SCAMP5: variants seen among roughly 807,000 people sequenced by gnomAD.
The protein encoded by SCAMP5 is secretory carrier-associated membrane protein 5.
A neutral mutation model predicts 28.3 loss-of-function variants in SCAMP5; 7 were observed. The ratio of observed to expected loss-of-function variants is 0.25; its 90% CI spans 0.14 to 0.46. SCAMP5 has a LOEUF of 0.46. Among genes scored for constraint, SCAMP5 ranks in the 20% least tolerant of loss-of-function variants. The pLI, the probability that SCAMP5 is intolerant of heterozygous loss-of-function variation, is 0.99. For missense variants in SCAMP5, 192 were observed against 312.5 expected (o/e 0.61, Z 2.91); for synonymous variants, 117 against 116.4 (o/e 1.00, Z -0.03).
Position 75,019,048 on chromosome 15 carries a change from C to A in SCAMP5, c.*65C>A. On this transcript the variant is annotated 3_prime_UTR_variant, in exon 7 of 7. Transcript: ENST00000425597. ...GGACAGGGGGCTCAAGCCACATCGT[C>A]ATTTGTGGTTACCAAGCAGGGTTCC... is the stretch of plus-strand genomic sequence containing the variant. 8.4e-7 allele frequency: 1 copy of A among 1,192,828 alleles called. No homozygotes were observed. The highest frequency in any genetic ancestry group is 1.7e-5 in the South Asian group (1 of 58,134). The allele number at this position is 1,192,828 out of a possible 1,614,324, so 73.9% of individuals were successfully genotyped here.
intron 3 of SCAMP5, among the ~76,000 whole-genome samples, chr15:75,013,883 G>A (rs569601124): frequency 2.6e-5 from 4 of 151,938 alleles, no homozygotes; most frequent in Non-Finnish European, 5.9e-5. Flanking sequence ...TAGCATCAAT[G>A]TTCTAAGGTT....
At chr15:75,013,505 C>G (rs1466449050) in intron 3 of SCAMP5, among the ~76,000 whole-genome samples, 2 of 152,046 alleles carry the variant, frequency 1.3e-5, no homozygotes, top group Admixed American at 1.3e-4. Flanking sequence ...TTAAGACCAG[C>G]CTAGGCAACA....
At position 75,016,853 on chromosome 15, in the gene SCAMP5, C is replaced by T. The variant is rs2065864345; in HGVS notation, c.293+104C>T. 5 of 1,066,482 alleles carry T rather than the reference C, an allele frequency of 4.7e-6. No individual in the cohort carries two copies. The South Asian group carries it at 6.6e-5, about 14-fold the overall frequency. The allele number at this position is 1,066,482 out of a possible 1,614,324, so 66.1% of individuals were successfully genotyped here. On this transcript the variant is annotated intron_variant, in intron 4 of 6. Coordinates refer to ENST00000425597, the MANE Select transcript of SCAMP5 (RefSeq NM_138967.4). The stretch of plus-strand genomic sequence containing the variant: ...TCTTTTTTTTTTTTTTTACCCTCCC[C>T]CAAACTCACTTTCCCTTGCTCACCT...
chr15:75,020,191 C>G lies in SCAMP5; in HGVS notation c.*1208C>G, dbSNP rs1253111671. On this transcript the variant is annotated 3_prime_UTR_variant, in exon 7 of 7. Coordinates refer to ENST00000425597, the MANE Select transcript of SCAMP5 (RefSeq NM_138967.4). ...AGGCATTTAGGTATCTCTCGGTGACCGTTGGATTCCTGGAAGCAGTAGCTG... is the reference window on the plus strand; with the variant it reads ...AGGCATTTAGGTATCTCTCGGTGACGGTTGGATTCCTGGAAGCAGTAGCTG... 6.6e-6 allele frequency: 1 copy of G among 152,430 alleles called. No individual in the cohort carries two copies. Among genetic ancestry groups the G allele is most frequent in the Non-Finnish European group, 1.5e-5 (1 of 68,284 alleles). 9.4% of individuals were successfully genotyped at this position (152,430 alleles called of 1,614,324 possible). A position where few individuals can be genotyped will look rare whatever the true frequency, so the allele number is the denominator to read the frequency against.
At chr15:75,000,816 C>T (rs565993716) in intron 1 of SCAMP5, among the ~76,000 whole-genome samples, 6 of 151,634 alleles carry the variant, frequency 4.0e-5, no homozygotes, top group Admixed American at 3.3e-4. Flanking sequence ...CCTTTCAACT[C>T]CATTTTGCCT....
rs1009455725 is a variant in SCAMP5 at position 75,019,187 on chromosome 15, G to C, written c.*204G>C. The C allele has an allele frequency of 1.0e-5, 4 of 387,024 alleles. No homozygotes were observed. In the Admixed American group the frequency reaches 1.8e-4, roughly 17 times the overall value. 24.0% of individuals were successfully genotyped at this position (387,024 alleles called of 1,614,324 possible). A position where few individuals can be genotyped will look rare whatever the true frequency, so the allele number is the denominator to read the frequency against. ...TTTCAGATTCTGCTCTTGGCACTCAGCTGTGGGCTGCACGTGGAGCTGTCC... is the reference window on the plus strand; with the variant it reads ...TTTCAGATTCTGCTCTTGGCACTCACCTGTGGGCTGCACGTGGAGCTGTCC... On this transcript the variant is annotated 3_prime_UTR_variant, in exon 7 of 7. Coordinates refer to ENST00000425597, the MANE Select transcript of SCAMP5 (RefSeq NM_138967.4).
Position 75,018,644 on chromosome 15 carries a change from C to G in SCAMP5, c.513+109C>G. The G allele has an allele frequency of 9.5e-7, 1 of 1,047,192 alleles. No individual in the cohort carries two copies. The highest frequency in any genetic ancestry group is 1.3e-5 in the South Asian group (1 of 79,516). The allele number at this position is 1,047,192 out of a possible 1,614,324, so 64.9% of individuals were successfully genotyped here. ...ATCCCGAGGTCTTCCAAGGGACTCA[C>G]TCTGGAATGGCCTGCAGGACTCTCC... On this transcript the variant is annotated intron_variant, in intron 6 of 6. Transcript: ENST00000425597. This position sits in a 1 kb window ranked among gnomAD's most constrained non-coding sequence, Gnocchi z 5.6.
chr15:75,003,535 A>G (rs2065728737), intron 1 of SCAMP5, among the ~76,000 whole-genome samples: 1 of 152,224 alleles, frequency 6.6e-6, no homozygotes, highest in Non-Finnish European at 1.5e-5. Context: ...TGGGCTGGGC[A>G]CAGTGACCTC....
At chr15:75,012,375 T>A (rs551434671) in intron 2 of SCAMP5, among the ~76,000 whole-genome samples, 1 of 152,360 alleles carries the variant, frequency 6.6e-6, no homozygotes, top group East Asian at 1.9e-4. Flanking sequence ...TGCCTGGAGC[T>A]GCCCCCACTG....
chr15:75,013,153 A>T (rs950400012), intron 3 of SCAMP5: 4 of 222,652 alleles, frequency 1.8e-5, no homozygotes. Context: ...TTTCCAGGGA[A>T]CCTCTGGGGA....
At chr15:75,004,167 G>A (rs990725448) in intron 1 of SCAMP5, among the ~76,000 whole-genome samples, 1 of 152,130 alleles carries the variant, frequency 6.6e-6, no homozygotes, top group Non-Finnish European at 1.5e-5. Context: ...GTCTCCCAAA[G>A]TGCTGGTATT....
chr15:75,018,719 T>A lies in SCAMP5; in HGVS notation c.514-70T>A, dbSNP rs2065880313. ...GCACTGTTTTTTTTTTACAGATGGG[T>A]CCCATCTATTTCCTGGATGGGCTGC... On this transcript the variant is annotated intron_variant, in intron 6 of 6. Transcript: ENST00000425597. This position sits in a 1 kb window ranked among gnomAD's most constrained non-coding sequence, Gnocchi z 5.6. 4.2e-6 allele frequency: 5 copies of A among 1,182,802 alleles called. No individual in the cohort carries two copies. Among genetic ancestry groups the A allele is most frequent in the Non-Finnish European group, 6.3e-6 (5 of 799,346 alleles). The allele number at this position is 1,182,802 out of a possible 1,614,324, so 73.3% of individuals were successfully genotyped here. A position where few individuals can be genotyped will look rare whatever the true frequency, so the allele number is the denominator to read the frequency against.
chr15:75,006,458 GC>G, intron 1 of SCAMP5, among the ~76,000 whole-genome samples: 1 of 149,378 alleles, frequency 6.7e-6, no homozygotes, highest in South Asian at 2.2e-4. Context: ...TTCAAGACTA[GC>G]CTGGCCAACA....
Position 75,018,523 on chromosome 15 carries a change from C to A in SCAMP5, c.501C>A (p.Ile167=), listed in dbSNP as rs1156419502. 1 of 1,608,106 alleles carries A rather than the reference C, an allele frequency of 6.2e-7. No homozygotes were observed. The highest frequency in any genetic ancestry group is 8.5e-7 in the Non-Finnish European group (1 of 1,174,564). Residue 167 remains isoleucine (I), a synonymous_variant, in exon 6 of 7, where the codon ATC becomes ATA. Coordinates refer to ENST00000425597, the MANE Select transcript of SCAMP5 (RefSeq NM_138967.4). This position sits in a 1 kb window ranked among gnomAD's most constrained non-coding sequence, Gnocchi z 5.6. ...CAGTGATGGCCGTCTTTTCCTTCAT[C>A]GCCCTCAGCATGGTACGTGGTCCCC... The part of the protein sequence containing the change: ...MFTVMAVFSF[I]ALSMVHKFYR...
rs529491412 is a variant in SCAMP5 at position 74,996,640 on chromosome 15, G to T, written c.-49+967G>T. ...GATGAAAACGAGCACAGCTGTTGGG[G>T]GCTGAGCCTGGGAGCTCAGCCATGT... On this transcript the variant is annotated intron_variant, in intron 1 of 6. Transcript: ENST00000425597. This position sits in a 1 kb window ranked among gnomAD's most constrained non-coding sequence, Gnocchi z 4.1. 6.6e-6 allele frequency among the ~76,000 whole-genome samples: 1 copy of T among 152,172 alleles called. No individual in the cohort carries two copies. The highest frequency in any genetic ancestry group is 2.4e-5 in the African/African-American group (1 of 41,430).
At chr15:75,005,900 T>G (rs2065753005) in intron 1 of SCAMP5, among the ~76,000 whole-genome samples, 1 of 150,958 alleles carries the variant, frequency 6.6e-6, no homozygotes, top group African/African-American at 2.4e-5. Flanking sequence ...ATTTTTTGTA[T>G]TTTTTGGTGG....
intron 4 of SCAMP5, 62 bp downstream of exon 4, chr15:75,016,811 C>A: frequency 2.2e-6 from 3 of 1,360,498 alleles, no homozygotes; most frequent in Non-Finnish European, 3.0e-6. Flanking sequence ...TGTCTCTTCT[C>A]CATATCTTTT....
intron 4 of SCAMP5, chr15:75,017,512 C>T: frequency 2.1e-6 from 1 of 481,278 alleles, no homozygotes; most frequent in Non-Finnish European, 3.6e-6. Context: ...ACCATCCATC[C>T]ATGTACCAGT....
rs763472529 is a variant in SCAMP5 at position 75,018,993 on chromosome 15, G to A, written c.*10G>A. ...CTCCAATGAGATGTGAACCAGCCAC[G>A]CCTACCAGGTGGCAGAGCTGGGGCC... On this transcript the variant is annotated 3_prime_UTR_variant, in exon 7 of 7. Coordinates refer to ENST00000425597, the MANE Select transcript of SCAMP5 (RefSeq NM_138967.4). This position sits in a 1 kb window ranked among gnomAD's most constrained non-coding sequence, Gnocchi z 5.6. 1.3e-5 allele frequency: 20 copies of A among 1,487,990 alleles called. No homozygotes were observed. The East Asian group carries it at 1.5e-4, about 11-fold the overall frequency. The allele number at this position is 1,487,990 out of a possible 1,614,324, so 92.2% of individuals were successfully genotyped here.
Sources: gnomAD v4.1 joint callset for allele counts (sites outside exome capture counted in the v4.1 genomes callset) on GRCh38, gnomAD v4.1.1 for gene constraint, Gnocchi (gnomAD v3.1) non-coding constraint, MANE v1.5 for transcripts, NCBI Gene and HGNC (gene_info 2026-07-23, HGNC 2026-07-21) for gene names.